SNX27: variants seen among roughly 807,000 people sequenced by gnomAD.
SNX27 encodes sorting nexin-27.
A neutral mutation model predicts 71.6 loss-of-function variants in SNX27; 22 were observed. That is an observed-to-expected ratio of 0.31 (90% CI 0.22 to 0.44). The LOEUF (loss-of-function observed/expected upper bound fraction) is 0.44, where lower values mean the gene tolerates loss of function less well. Ranked by LOEUF, SNX27 falls within the 20% of genes least tolerant of loss-of-function variation. The pLI, the probability that SNX27 is intolerant of heterozygous loss-of-function variation, is 1.00. For missense variants in SNX27, 531 were observed against 698.6 expected (o/e 0.76, Z 2.70); for synonymous variants, 269 against 277.2 (o/e 0.97, Z 0.29).
At chr1:151,668,410 T>C in intron 6 of SNX27, 62 bp from the exon 7 acceptor site, 1 of 1,481,236 alleles carries the variant, frequency 6.8e-7, no homozygotes, top group Non-Finnish European at 9.2e-7. Context: ...TTACATAGTT[T>C]ATACTAGGGA....
chr1:151,616,668 C>T (rs973029588), intron 1 of SNX27, among the ~76,000 whole-genome samples: 4 of 152,168 alleles, frequency 2.6e-5, no homozygotes, highest in Admixed American at 2.0e-4. Flanking sequence ...TCTCAAAAGC[C>T]GCTTTCTCAA....
At chr1:151,671,398 C>T (rs180850137) in intron 7 of SNX27, among the ~76,000 whole-genome samples, 11 of 151,928 alleles carry the variant, frequency 7.2e-5, no homozygotes, top group African/African-American at 9.7e-5. Context: ...CCACCATGCC[C>T]GACTGATTTT....
rs539764893 is a variant in SNX27, at chr1:151,697,781, T to A, written c.*3364T>A. 1.3e-5 allele frequency: 2 copies of A among 152,726 alleles called. No homozygotes were observed. The highest frequency in any genetic ancestry group is 1.5e-5 in the Non-Finnish European group (1 of 68,120). The allele number at this position is 152,726 out of a possible 1,614,324, so 9.5% of individuals were successfully genotyped here. The stretch of plus-strand genomic sequence containing the variant: ...GGGAGGCTTCTACCCAGACTTCTTT[T>A]GCAATTTGTCCCTGGGAAGAGGGGG... On this transcript the variant is annotated 3_prime_UTR_variant, in exon 12 of 12. Coordinates refer to ENST00000458013, the MANE Select transcript of SNX27 (RefSeq NM_001330723.2).
intron 4 of SNX27, among the ~76,000 whole-genome samples, chr1:151,661,861 G>A (rs1164492873): frequency 1.3e-5 from 2 of 152,170 alleles, no homozygotes; most frequent in East Asian, 3.8e-4. Context: ...TCTGAATGGG[G>A]AAAGGGAAGC....
chr1:151,671,792 T>C (rs1670461839), intron 7 of SNX27, among the ~76,000 whole-genome samples: 1 of 152,170 alleles, frequency 6.6e-6, no homozygotes, highest in Admixed American at 6.5e-5. Context: ...TGTTTTAATT[T>C]CTTTTTCAGA....
chr1:151,669,474 A>G (rs1670363923), intron 7 of SNX27: 1 of 152,202 alleles, frequency 6.6e-6, no homozygotes, highest in African/African-American at 2.4e-5. Flanking sequence ...CCAGTTGTCT[A>G]AATTTCCTCT....
chr1:151,665,969 G>T lies in SNX27; in HGVS notation c.943G>T (p.Val315Leu), dbSNP rs1180918015. Residue 315 changes from valine (V) to leucine (L), a missense_variant, in exon 6 of 12, where the codon GTG becomes TTG. By Grantham distance (32) the Val-to-Leu change is conservative (BLOSUM62 1). Coordinates refer to ENST00000458013, the MANE Select transcript of SNX27 (RefSeq NM_001330723.2). ...AAKVGMDSTT[V>L]NYFALFEVIS... ...AAAGGTTGGCATGGACAGTACGACA[G>T]TGAATTACTTTGCCTTATTTGAAGT... 2 of 1,610,074 alleles carry T rather than the reference G, an allele frequency of 1.2e-6. No individual in the cohort carries two copies. The highest frequency in any genetic ancestry group is 2.2e-5 in the East Asian group (1 of 44,738).
Position 151,694,511 on chromosome 1 carries a change from G to GA in SNX27, c.*99dup, listed in dbSNP as rs1353659932. The GA allele has an allele frequency of 8.4e-6, 11 of 1,308,416 alleles. No individual in the cohort carries two copies. Among genetic ancestry groups the GA allele is most frequent in the Non-Finnish European group, 1.1e-5 (11 of 964,130 alleles). 81.1% of individuals were successfully genotyped at this position (1,308,416 alleles called of 1,614,324 possible). A position where few individuals can be genotyped will look rare whatever the true frequency, so the allele number is the denominator to read the frequency against. ...GAGTAACCATTAACAAAAAAGAAGA[G>GA]AAAAAGTTAAAGTCGTTATATTCAA... On this transcript the variant is annotated 3_prime_UTR_variant, in exon 12 of 12. Coordinates refer to ENST00000458013, the MANE Select transcript of SNX27 (RefSeq NM_001330723.2).
chr1:151,659,236 TTTTTGTTTTG>T lies in SNX27; in HGVS notation c.736+830_736+839del, dbSNP rs529877354. 9.7e-4 allele frequency among the ~76,000 whole-genome samples: 148 copies of T among 151,974 alleles called. 1 individual carries two copies. The highest frequency in any genetic ancestry group is 1.4e-3 in the Non-Finnish European group (96 of 67,970). ...AGATACTAATACTTCTGTATTGAAT[TTTTTGTTTTG>T]TTTTGTTTTGTTTTGTTTTGAGACA... On this transcript the variant is annotated intron_variant, in intron 3 of 11. Transcript: ENST00000458013.
rs141556258 is a variant in SNX27 at position 151,662,378 on chromosome 1, C to T, written c.906+108C>T. 704 of 604,038 alleles carry T rather than the reference C, an allele frequency of 1.2e-3. 1 individual carries two copies. Among genetic ancestry groups the T allele is most frequent in the African/African-American group, 0.012 (622 of 53,784 alleles). 37.4% of individuals were successfully genotyped at this position (604,038 alleles called of 1,614,324 possible). On this transcript the variant is annotated intron_variant, in intron 5 of 11. Transcript: ENST00000458013. ...TGCTTAGGGTGTCTGGCACATAATC[C>T]GTTTATTAAATGTTAGCTACTATTG...
chr1:151,615,742 G>A, intron 1 of SNX27: 1 of 983,552 alleles, frequency 1.0e-6, no homozygotes, highest in South Asian at 4.7e-5. Flanking sequence ...TTCTTCTATT[G>A]TGTTTACAAA....
At chr1:151,626,650 C>T (rs1571768916) in intron 1 of SNX27, among the ~76,000 whole-genome samples, 1 of 152,052 alleles carries the variant, frequency 6.6e-6, no homozygotes, top group South Asian at 2.1e-4. Context: ...TGCAGTGAGC[C>T]AAGATCGTGC....
intron 1 of SNX27, among the ~76,000 whole-genome samples, chr1:151,628,351 C>T (rs779634360): frequency 6.6e-6 from 1 of 152,166 alleles, no homozygotes; most frequent in Non-Finnish European, 1.5e-5. Flanking sequence ...AGGCATAATA[C>T]TCAACTGTAT....
intron 7 of SNX27, among the ~76,000 whole-genome samples, chr1:151,682,922 C>T (rs1558072812): frequency 6.6e-6 from 1 of 152,168 alleles, no homozygotes; most frequent in African/African-American, 2.4e-5. Context: ...GTAGTCCCAG[C>T]TACTCTGGAG....
At chr1:151,641,671 A>G (rs1361485529) in intron 2 of SNX27, among the ~76,000 whole-genome samples, 2 of 138,698 alleles carry the variant, frequency 1.4e-5, no homozygotes, top group Non-Finnish European at 1.5e-5. Flanking sequence ...AGATATATAT[A>G]TCATATATAT....
At chr1:151,649,924 G>GTC (rs1432526651) in intron 2 of SNX27, among the ~76,000 whole-genome samples, 1 of 151,936 alleles carries the variant, frequency 6.6e-6, no homozygotes, top group Non-Finnish European at 1.5e-5. Flanking sequence ...GTCTCACTGT[G>GTC]TCTCCCAGGC....
Position 151,697,492 on chromosome 1 carries a change from C to G in SNX27, c.*3075C>G, listed in dbSNP as rs866845900. The stretch of plus-strand genomic sequence containing the variant: ...CCTGTTGGCAGAATTTATTTAGGAA[C>G]AGCCCTTTTGAAAGTGTCCCAGTAA... On this transcript the variant is annotated 3_prime_UTR_variant, in exon 12 of 12. Transcript: ENST00000458013. 6.6e-6 allele frequency: 1 copy of G among 152,668 alleles called. No homozygotes were observed. The highest frequency in any genetic ancestry group is 1.5e-5 in the Non-Finnish European group (1 of 68,084). 9.5% of individuals were successfully genotyped at this position (152,668 alleles called of 1,614,324 possible). A position where few individuals can be genotyped will look rare whatever the true frequency, so the allele number is the denominator to read the frequency against.
chr1:151,683,482 C>G, intron 8 of SNX27, 37 bp downstream of exon 8: 2 of 1,473,322 alleles, frequency 1.4e-6, no homozygotes, highest in South Asian at 2.3e-5. Context: ...TAAAAATGCC[C>G]CTTCCTACCT....
intron 4 of SNX27, among the ~76,000 whole-genome samples, 154 bp from the exon 5 acceptor site, chr1:151,662,012 G>A (rs1459171946): frequency 6.7e-6 from 1 of 149,234 alleles, no homozygotes; most frequent in Non-Finnish European, 1.5e-5. Flanking sequence ...CCTGAAGTCA[G>A]CTTTATGACT....
Sources: gnomAD v4.1 joint callset for allele counts (sites outside exome capture counted in the v4.1 genomes callset) on GRCh38, gnomAD v4.1.1 for gene constraint, MANE v1.5 for transcripts, NCBI Gene and HGNC (gene_info 2026-07-23, HGNC 2026-07-21) for gene names.